PCDHGB5: variants seen among roughly 807,000 people sequenced by gnomAD.
The protein encoded by PCDHGB5 is protocadherin gamma subfamily B, 5.
PCDHGB5 carries 48 observed loss-of-function variants against 62.9 expected under a neutral mutation model. The observed-to-expected ratio is 0.76, with a 90% CI of 0.61 to 0.97. PCDHGB5 has a LOEUF of 0.97. PCDHGB5 is among the 50% of genes least tolerant of loss of function. The pLI is 0.00. For synonymous variants in PCDHGB5, 474 were observed against 511.2 expected, an observed-to-expected ratio of 0.93 and a Z score of 0.98; for missense variants, 1,118 against 1,198.6, an observed-to-expected ratio of 0.93 and a Z score of 0.99.
chr5:141,497,540 CTT>C (rs754207034), intron 2 of PCDHGB5, among the ~76,000 whole-genome samples: 114 of 134,852 alleles, frequency 8.5e-4, no homozygotes, highest in Middle Eastern at 3.7e-3. Context: ...TGCAACAAAC[CTT>C]TTTTTTTTTT....
rs763187246 is a variant in PCDHGB5 at position 141,477,168 on chromosome 5, A to G, written c.2398-17639A>G. ...GTGGATGTGAATGACAACGCCCCGGAGATCACAGTCACCTCCGTGTACAGC... is the reference window on the plus strand; with the variant it reads ...GTGGATGTGAATGACAACGCCCCGGGGATCACAGTCACCTCCGTGTACAGC... On this transcript the variant is annotated intron_variant, in intron 1 of 3. Transcript: ENST00000617380. The surrounding 1 kb of genome is among the most constrained non-coding windows in gnomAD (Gnocchi z 4.9). The G allele has an allele frequency of 6.2e-7, 1 of 1,614,210 alleles. No homozygotes were observed. Among genetic ancestry groups the G allele is most frequent in the Non-Finnish European group, 8.5e-7 (1 of 1,180,040 alleles).
Position 141,414,298 on chromosome 5 carries a change from G to A in PCDHGB5, c.2397+13774G>A, listed in dbSNP as rs200349573. ...GGGAACAGTCGTAGCCCTTTTAAAT[G>A]TGCATGATTTAGACTCTGAGCAGAA... On this transcript the variant is annotated intron_variant, in intron 1 of 3. Transcript: ENST00000617380. The A allele has an allele frequency of 1.9e-5, 30 of 1,613,626 alleles. No homozygotes were observed. In the East Asian group the frequency reaches 6.7e-4, roughly 36 times the overall value.
In PCDHGB5 at chr5:141,487,522, T is replaced by C. The variant is rs764726787; in HGVS notation, c.2398-7285T>C. 2 of 1,614,166 alleles carry C rather than the reference T, an allele frequency of 1.2e-6. No individual in the cohort carries two copies. The highest frequency in any genetic ancestry group is 1.7e-6 in the Non-Finnish European group (2 of 1,180,022). ...TGGCTTCTGCACCCACTCGGAGTGATAGCTTCATGATGGTGAAGTCACCCA... is the reference window on the plus strand; with the variant it reads ...TGGCTTCTGCACCCACTCGGAGTGACAGCTTCATGATGGTGAAGTCACCCA... On this transcript the variant is annotated intron_variant, in intron 1 of 3. Coordinates refer to ENST00000617380, the MANE Select transcript of PCDHGB5 (RefSeq NM_018925.3). This position sits in a 1 kb window ranked among gnomAD's most constrained non-coding sequence, Gnocchi z 5.0.
At chr5:141,418,068 C>T (rs1292846589) in intron 1 of PCDHGB5, 4 of 1,614,002 alleles carry the variant, frequency 2.5e-6, no homozygotes, top group Non-Finnish European at 3.4e-6. Flanking sequence ...CGAGTGAGCG[C>T]GGAGAAGCTG....
chr5:141,427,491 G>A (rs1158414276), intron 1 of PCDHGB5: 1 of 553,626 alleles, frequency 1.8e-6, no homozygotes, highest in Non-Finnish European at 3.4e-6. Context: ...CTATAAGCTT[G>A]TAACAGATGG....
rs539878473 is a variant in PCDHGB5 at position 141,501,595 on chromosome 5, C to T, written c.2457-3798C>T. Reference sequence around the variant, plus strand: ...GCTGGCTTTCAGGTTGCAACTCTACCAGTTCCAGCTGTGTGACTCTGGTAT... The same window carrying T: ...GCTGGCTTTCAGGTTGCAACTCTACTAGTTCCAGCTGTGTGACTCTGGTAT... On this transcript the variant is annotated intron_variant, in intron 2 of 3. Coordinates refer to ENST00000617380, the MANE Select transcript of PCDHGB5 (RefSeq NM_018925.3). Among the ~76,000 whole-genome samples the T allele has an allele frequency of 9.9e-5, 15 of 152,164 alleles. No homozygotes were observed. In the East Asian group the frequency reaches 2.9e-3, roughly 30 times the overall value.
rs181806844 is a variant in PCDHGB5 at position 141,445,046 on chromosome 5, G to T, written c.2397+44522G>T. Among the ~76,000 whole-genome samples the T allele has an allele frequency of 1.2e-4, 19 of 152,248 alleles. No individual in the cohort carries two copies. The East Asian group carries it at 3.7e-3, about 29-fold the overall frequency. ...TCAGCTATGTTGTATAGTTTTCAGT[G>T]TAGAGAGGTCATGTATATTTCTCAT... On this transcript the variant is annotated intron_variant, in intron 1 of 3. Transcript: ENST00000617380.
rs778198822 is a variant in PCDHGB5 at position 141,432,802 on chromosome 5, A to G, written c.2397+32278A>G. 29 of 1,613,964 alleles carry G rather than the reference A, an allele frequency of 1.8e-5. No individual in the cohort carries two copies. The African/African-American group carries it at 3.6e-4, about 20-fold the overall frequency. On this transcript the variant is annotated intron_variant, in intron 1 of 3. Coordinates refer to ENST00000617380, the MANE Select transcript of PCDHGB5 (RefSeq NM_018925.3). This position sits in a 1 kb window ranked among gnomAD's most constrained non-coding sequence, Gnocchi z 6.0. ...CGGACCTCGGCAGCCTCGAGTCTCC[A>G]GCTAACTCTGAAACCTCAGACCTCA...
At chr5:141,415,372 G>A in intron 1 of PCDHGB5, 1 of 1,614,252 alleles carries the variant, frequency 6.2e-7, no homozygotes, top group Non-Finnish European at 8.5e-7. Flanking sequence ...GCAGGCTTCA[G>A]GAGGCGGCTT....
chr5:141,430,399 T>G (rs2097282187), intron 1 of PCDHGB5, among the ~76,000 whole-genome samples: 1 of 150,106 alleles, frequency 6.7e-6, no homozygotes, highest in Admixed American at 6.6e-5. Flanking sequence ...AAAAAAAAGC[T>G]CACTAAAGTT....
At chr5:141,415,683 G>C in intron 1 of PCDHGB5, 1 of 1,517,194 alleles carries the variant, frequency 6.6e-7, no homozygotes, top group African/African-American at 1.4e-5. Flanking sequence ...TTTGCGGCAT[G>C]ATGGTGGAAA....
At chr5:141,499,136 G>A (rs1488844131) in intron 2 of PCDHGB5, among the ~76,000 whole-genome samples, 1 of 152,100 alleles carries the variant, frequency 6.6e-6, no homozygotes, top group Non-Finnish European at 1.5e-5. Flanking sequence ...CATCCTTTGG[G>A]TGTCTGATCC....
chr5:141,408,865 A>T (rs765751172), intron 1 of PCDHGB5: 9 of 1,613,684 alleles, frequency 5.6e-6, no homozygotes, highest in Admixed American at 1.7e-5. Flanking sequence ...GGGACCCACC[A>T]AGAAGTGCCA....
chr5:141,457,279 G>A (rs948609305), intron 1 of PCDHGB5, among the ~76,000 whole-genome samples: 2 of 152,190 alleles, frequency 1.3e-5, no homozygotes, highest in African/African-American at 4.8e-5. Flanking sequence ...GTGGGCCTAC[G>A]AAGTTCCTTG....
chr5:141,485,408 T>C lies in PCDHGB5; in HGVS notation c.2398-9399T>C. On this transcript the variant is annotated intron_variant, in intron 1 of 3. Transcript: ENST00000617380. The surrounding 1 kb of genome is among the most constrained non-coding windows in gnomAD (Gnocchi z 5.7). ...GAACCAAAGACACTTCCGTGTGGAT[T>C]TGGACAGCGGAGCCCTGCTCATCAA... 1 of 1,614,112 alleles carries C rather than the reference T, an allele frequency of 6.2e-7. No individual in the cohort carries two copies. Among genetic ancestry groups the C allele is most frequent in the Non-Finnish European group, 8.5e-7 (1 of 1,180,034 alleles).
In PCDHGB5 at chr5:141,461,830, C is replaced by CT. The variant is rs1030113508; in HGVS notation, c.2398-32967dup. On this transcript the variant is annotated intron_variant, in intron 1 of 3. Transcript: ENST00000617380. Reference sequence around the variant, plus strand: ...CACCACACCCAGCTAATTTTTTTTTCTTTTTTTTTTGAGACAGAGTTTTGC... The same window carrying CT: ...CACCACACCCAGCTAATTTTTTTTTCTTTTTTTTTTTGAGACAGAGTTTTGC... Among the ~76,000 whole-genome samples, 192 of 145,246 alleles carry CT rather than the reference C, an allele frequency of 1.3e-3. 1 individual carries two copies. In the Middle Eastern group the frequency reaches 0.022, roughly 16 times the overall value.
At position 141,431,391 on chromosome 5, in the gene PCDHGB5, T is replaced by C; in HGVS notation, c.2397+30867T>C. Reference sequence around the variant, plus strand: ...GAAGAAAAGGCTGCTCACCACCTGGTCCTTACGGCCTCCGACGGGGGCGAC... The same window carrying C: ...GAAGAAAAGGCTGCTCACCACCTGGCCCTTACGGCCTCCGACGGGGGCGAC... On this transcript the variant is annotated intron_variant, in intron 1 of 3. Transcript: ENST00000617380. The surrounding 1 kb of genome is among the most constrained non-coding windows in gnomAD (Gnocchi z 4.8). 1 of 1,613,852 alleles carries C rather than the reference T, an allele frequency of 6.2e-7. No homozygotes were observed.
At chr5:141,484,383 A>C (rs968059260) in intron 1 of PCDHGB5, among the ~76,000 whole-genome samples, 1 of 152,194 alleles carries the variant, frequency 6.6e-6, no homozygotes, top group Non-Finnish European at 1.5e-5. Context: ...ATGTCTGAAT[A>C]AGAAAGGTTT....
intron 1 of PCDHGB5, among the ~76,000 whole-genome samples, chr5:141,447,805 G>A (rs1389870133): frequency 2.0e-5 from 3 of 152,064 alleles, no homozygotes; most frequent in Admixed American, 2.0e-4. Context: ...AATAAAATTG[G>A]CTGGGCGTGG....
Sources: gnomAD v4.1 joint callset for allele counts (sites outside exome capture counted in the v4.1 genomes callset) on GRCh38, gnomAD v4.1.1 for gene constraint, Gnocchi (gnomAD v3.1) non-coding constraint, MANE v1.5 for transcripts, NCBI Gene and HGNC (gene_info 2026-07-23, HGNC 2026-07-21) for gene names.